The following FAT3 variants were observed in gnomAD, a reference collection of about 807,000 sequenced individuals.
FAT3 encodes the protein protocadherin Fat 3.
Under a neutral mutation model 310.2 loss-of-function variants are expected in FAT3, and 95 were observed. That is an observed-to-expected ratio of 0.31 (90% CI 0.26 to 0.36). FAT3 has a LOEUF of 0.36. Ranked by LOEUF, FAT3 falls within the 10% of genes least tolerant of loss-of-function variation. The pLI is 1.00. For missense variants in FAT3, 5,408 were observed against 5,715.6 expected (o/e 0.95, Z 1.74); for synonymous variants, 2,314 against 2,192.9 (o/e 1.06, Z -1.54).
At chr11:92,308,726 C>G (rs916141881) in intron 1 of FAT3, among the ~76,000 whole-genome samples, 1 of 152,140 alleles carries the variant, frequency 6.6e-6, no homozygotes, top group African/African-American at 2.4e-5. Context: ...GACTTCAAAA[C>G]TTTATTAGAC....
intron 3 of FAT3, among the ~76,000 whole-genome samples, chr11:92,567,479 G>A (rs1310601935): frequency 1.2e-4 from 18 of 149,542 alleles, no homozygotes; most frequent in South Asian, 2.1e-4. Flanking sequence ...TCAGTGTGGC[G>A]ATTCCTCAGG....
intron 2 of FAT3, among the ~76,000 whole-genome samples, chr11:92,497,193 T>C (rs1952793388): frequency 6.6e-6 from 1 of 152,038 alleles, no homozygotes; most frequent in Non-Finnish European, 1.5e-5. Context: ...GTCACATTTC[T>C]GTCCCCTTAG....
chr11:92,513,121 CAA>C (rs752761388), intron 2 of FAT3, among the ~76,000 whole-genome samples: 19 of 31,192 alleles, frequency 6.1e-4, no homozygotes, highest in Admixed American at 1.6e-3. Flanking sequence ...GACTCCGTCT[CAA>C]AAAAAAAAAA....
chr11:92,690,599 T>C (rs537395619), intron 3 of FAT3, among the ~76,000 whole-genome samples: 1 of 152,330 alleles, frequency 6.6e-6, no homozygotes, highest in Admixed American at 6.5e-5. Flanking sequence ...TGGTATTTTT[T>C]CTTTTCAAAT....
At chr11:92,710,528 G>A (rs546126285) in intron 4 of FAT3, among the ~76,000 whole-genome samples, 64 of 152,354 alleles carry the variant, frequency 4.2e-4, no homozygotes, top group South Asian at 3.9e-3. Flanking sequence ...AACCGCAGCA[G>A]ACAGACTCTT....
At chr11:92,568,227 T>C (rs1955541766) in intron 3 of FAT3, among the ~76,000 whole-genome samples, 2 of 152,070 alleles carry the variant, frequency 1.3e-5, no homozygotes, top group Non-Finnish European at 2.9e-5. Flanking sequence ...ACAATGCATT[T>C]TGCAATTTCT....
intron 2 of FAT3, chr11:92,498,309 ACAT>A (rs1952826952): frequency 4.2e-6 from 1 of 237,804 alleles, no homozygotes; most frequent in Non-Finnish European, 8.8e-6. Flanking sequence ...TCTAACAAAA[ACAT>A]CATGAAGAGG....
chr11:92,266,281 C>G (rs1945945848), intron 1 of FAT3, among the ~76,000 whole-genome samples: 1 of 152,128 alleles, frequency 6.6e-6, no homozygotes, highest in Admixed American at 6.6e-5. Flanking sequence ...CCTGGCCTCA[C>G]TATGAAAAAG....
chr11:92,709,993 A>G (rs1944471768), intron 4 of FAT3, among the ~76,000 whole-genome samples: 2 of 152,190 alleles, frequency 1.3e-5, no homozygotes, highest in Non-Finnish European at 2.9e-5. Flanking sequence ...AGTTTTAAAG[A>G]TGCTGATAAG....
rs1297391762 is a variant in FAT3, at chr11:92,890,887, G to A, written c.13544G>A (p.Ser4515Asn). 1.9e-6 allele frequency: 3 copies of A among 1,613,908 alleles called. No individual in the cohort carries two copies. The highest frequency in any genetic ancestry group is 2.7e-5 in the African/African-American group (2 of 74,932). ...GGCCCGCCTGCCAGCTGTGAATTTAGTACTTTTGCTGTGAGCATGAACCAG... is the reference window on the plus strand; with the variant it reads ...GGCCCGCCTGCCAGCTGTGAATTTAATACTTTTGCTGTGAGCATGAACCAG... Reference protein sequence around the residue: ...LVGPPASCEFSTFAVSMNQGT... With the variant: ...LVGPPASCEFNTFAVSMNQGT... The change falls in exon 28 of 28, where the codon AGT becomes AAT. Residue 4515 changes from serine to asparagine, a missense_variant. Ser to Asn is a conservative substitution (Grantham distance 46). Transcript: ENST00000525166.
chr11:92,452,579 A>G (rs1247468746), intron 2 of FAT3, among the ~76,000 whole-genome samples: 1 of 152,162 alleles, frequency 6.6e-6, no homozygotes, highest in Non-Finnish European at 1.5e-5. Context: ...TTAAAGTACT[A>G]CAATGGGACC....
At chr11:92,399,586 C>T (rs567493267) in intron 2 of FAT3, among the ~76,000 whole-genome samples, 9 of 152,214 alleles carry the variant, frequency 5.9e-5, no homozygotes, top group East Asian at 5.8e-4. Context: ...ATTCTTGACA[C>T]GCCCACAACT....
At chr11:92,608,720 C>CTATAATAAT in intron 3 of FAT3, among the ~76,000 whole-genome samples, 1 of 145,184 alleles carries the variant, frequency 6.9e-6, no homozygotes, top group African/African-American at 2.6e-5. Context: ...CTGAATTCAG[C>CTATAATAAT]AATAATAATA....
Position 92,551,449 on chromosome 11 carries a change from CTCA to C in FAT3, c.3607+26505_3607+26507del, listed in dbSNP as rs1374597844. Among the ~76,000 whole-genome samples, 4 of 22,060 alleles carry C rather than the reference CTCA, an allele frequency of 1.8e-4. No homozygotes were observed. In the East Asian group the frequency reaches 4.1e-3, roughly 23 times the overall value. The allele number at this position is 22,060 out of a possible 152,430, so 14.5% of individuals were successfully genotyped here. On this transcript the variant is annotated intron_variant, in intron 3 of 27. Coordinates refer to ENST00000525166, the MANE Select transcript of FAT3 (RefSeq NM_001367949.2). ...GTGTGTGTGTGTGTGTGTGTGTTTT[CTCA>C]TCAATAAACTTTTCTTCAAGCCTTC...
chr11:92,243,600 CTTG>C (rs1690572132), intron 1 of FAT3, among the ~76,000 whole-genome samples: 1 of 151,988 alleles, frequency 6.6e-6, no homozygotes, highest in South Asian at 2.1e-4. Flanking sequence ...AATCTGCTTT[CTTG>C]TTACAAAGCA....
intron 3 of FAT3, among the ~76,000 whole-genome samples, chr11:92,615,993 C>A (rs2135644045): frequency 6.6e-6 from 1 of 152,264 alleles, no homozygotes; most frequent in East Asian, 1.9e-4. Flanking sequence ...TCTATTAGGT[C>A]CACTTGGTGC....
Position 92,719,359 on chromosome 11 carries a change from T to TTTTAA in FAT3, c.3669+21918_3669+21922dup, listed in dbSNP as rs1944787954. Among the ~76,000 whole-genome samples, 3 of 152,326 alleles carry TTTTAA rather than the reference T, an allele frequency of 2.0e-5. No individual in the cohort carries two copies. The South Asian group carries it at 6.2e-4, about 32-fold the overall frequency. On this transcript the variant is annotated intron_variant, in intron 4 of 27. Transcript: ENST00000525166. Reference sequence around the variant, plus strand: ...ACCAGTTCTTGTCTTTTTATCTTTCTTTTAATTTTATATGTATAGTCGTCT... The same window carrying TTTTAA: ...ACCAGTTCTTGTCTTTTTATCTTTCTTTTAATTTAATTTTATATGTATAGTCGTCT...
rs147629125 is a variant in FAT3 at position 92,771,305 on chromosome 11, G to A, written c.4196-2736G>A. On this transcript the variant is annotated intron_variant, in intron 6 of 27. Coordinates refer to ENST00000525166, the MANE Select transcript of FAT3 (RefSeq NM_001367949.2). The stretch of plus-strand genomic sequence containing the variant: ...TGCATTTGATATTCTCACCCTGGAC[G>A]ATTTGGACGTGGTTTCCTATGAAAC... 3.5e-3 allele frequency among the ~76,000 whole-genome samples: 536 copies of A among 152,238 alleles called. 4 individuals are homozygous for A. Among genetic ancestry groups the A allele is most frequent in the African/African-American group, 0.012 (519 of 41,532 alleles).
At chr11:92,745,742 G>A (rs578198883) in intron 4 of FAT3, among the ~76,000 whole-genome samples, 1 of 152,290 alleles carries the variant, frequency 6.6e-6, no homozygotes, top group East Asian at 1.9e-4. Context: ...AGCAGTTGTT[G>A]GGTTTAAACA....
Sources: allele counts gnomAD v4.1 joint callset (sites outside exome capture counted in the v4.1 genomes callset), GRCh38; gene constraint gnomAD v4.1.1; transcripts MANE v1.5; gene names NCBI Gene and HGNC (gene_info 2026-07-23, HGNC 2026-07-21).